The following USP22 variants were observed in gnomAD, a reference collection of about 807,000 sequenced individuals.
USP22 encodes ubiquitin specific peptidase 22.
Under a neutral mutation model 68.1 loss-of-function variants are expected in USP22, and 22 were observed. The observed-to-expected ratio is 0.32, with a 90% confidence interval of 0.23 to 0.46. The LOEUF is 0.46. Among genes scored for constraint, USP22 ranks in the 20% least tolerant of loss-of-function variants. The pLI, the probability that USP22 is intolerant of heterozygous loss-of-function variation, is 1.00. For synonymous variants in USP22, 279 were observed against 274.2 expected, an observed-to-expected ratio of 1.02 and a Z score of -0.17; for missense variants, 433 against 695.8, an observed-to-expected ratio of 0.62 and a Z score of 4.25.
rs1427603813 is a variant in USP22 at position 21,001,952 on chromosome 17, C to G, written c.*1079G>C. On this transcript the variant is annotated 3_prime_UTR_variant, in exon 13 of 13. Transcript: ENST00000261497. ...GCCCGAAAGTACACCAAATGTAAAG[C>G]AGAGGCAGACGAGACAAGATGCAGG... 3 of 152,234 alleles carry G rather than the reference C, an allele frequency of 2.0e-5. No individual in the cohort carries two copies. Among genetic ancestry groups the G allele is most frequent in the Admixed American group, 1.3e-4 (2 of 15,280 alleles). 9.4% of individuals were successfully genotyped at this position (152,234 alleles called of 1,614,324 possible).
intron 2 of USP22, among the ~76,000 whole-genome samples, chr17:21,022,587 C>T (rs1972169971): frequency 6.6e-6 from 1 of 152,092 alleles, no homozygotes; most frequent in African/African-American, 2.4e-5. Flanking sequence ...ATCACGAGGT[C>T]AGGAGATTGA....
intron 8 of USP22, 69 bp from the exon 9 acceptor site, chr17:21,008,065 G>T: frequency 3.3e-6 from 5 of 1,521,790 alleles, no homozygotes; most frequent in South Asian, 2.5e-5. Context: ...GAGGAAAGAG[G>T]TATTTTATCT....
In USP22 at chr17:21,004,105, G is replaced by A. The variant is rs560690238; in HGVS notation, c.1535+97C>T. 21 of 1,492,552 alleles carry A rather than the reference G, an allele frequency of 1.4e-5. No homozygotes were observed. The African/African-American group carries it at 1.8e-4, about 13-fold the overall frequency. The allele number at this position is 1,492,552 out of a possible 1,614,324, so 92.5% of individuals were successfully genotyped here. On this transcript the variant is annotated intron_variant, in intron 12 of 12. Transcript: ENST00000261497. Reference sequence around the variant, plus strand: ...TCGGCAAATGAAGGTCAACACCTTCGAGTGGTTCTAGGCTCAGACATGGGC... The same window carrying A: ...TCGGCAAATGAAGGTCAACACCTTCAAGTGGTTCTAGGCTCAGACATGGGC...
At chr17:21,017,876 A>G in intron 5 of USP22, 66 bp downstream of exon 5, 1 of 1,459,040 alleles carries the variant, frequency 6.9e-7, no homozygotes, top group Admixed American at 1.9e-5. Flanking sequence ...TCCACCTTAA[A>G]TTTTTTTTTT....
intron 1 of USP22, among the ~76,000 whole-genome samples, chr17:21,033,327 A>T (rs1972315573): frequency 6.6e-6 from 1 of 152,246 alleles, no homozygotes; most frequent in Non-Finnish European, 1.5e-5. Context: ...TGTGACAGGA[A>T]TTAGAAGAGG....
chr17:21,020,110 A>G (rs1487374259), intron 3 of USP22, among the ~76,000 whole-genome samples: 1 of 152,170 alleles, frequency 6.6e-6, no homozygotes, highest in Non-Finnish European at 1.5e-5. Flanking sequence ...TCAGGTTCAT[A>G]TGTTTCCTTT....
Position 21,000,717 on chromosome 17 carries a change from G to A in USP22, c.*2314C>T, listed in dbSNP as rs1913538676. The A allele has an allele frequency of 6.6e-6, 1 of 152,212 alleles. No individual in the cohort carries two copies. The highest frequency in any genetic ancestry group is 2.1e-4 in the South Asian group (1 of 4,832). The allele number at this position is 152,212 out of a possible 1,614,324, so 9.4% of individuals were successfully genotyped here. ...AAGGCACTGCCCAGCTCACAATCCT[G>A]TGGGCCAACTTCAGTCAACTCTCCT... On this transcript the variant is annotated 3_prime_UTR_variant, in exon 13 of 13. Transcript: ENST00000261497.
At chr17:21,016,827 A>C (rs547372641) in intron 5 of USP22, among the ~76,000 whole-genome samples, 1 of 152,306 alleles carries the variant, frequency 6.6e-6, no homozygotes, top group East Asian at 1.9e-4. Flanking sequence ...ACAGTTCTTC[A>C]TCTTGAGTAG....
chr17:21,042,866 C>A lies in USP22; in HGVS notation c.-31G>T, dbSNP rs966371524. 1.6e-6 allele frequency: 2 copies of A among 1,234,886 alleles called. No homozygotes were observed. The highest frequency in any genetic ancestry group is 3.3e-5 in the East Asian group (1 of 30,754). The allele number at this position is 1,234,886 out of a possible 1,614,324, so 76.5% of individuals were successfully genotyped here. A position where few individuals can be genotyped will look rare whatever the true frequency, so the allele number is the denominator to read the frequency against. On this transcript the variant is annotated 5_prime_UTR_variant, in exon 1 of 13. Coordinates refer to ENST00000261497, the MANE Select transcript of USP22 (RefSeq NM_015276.2). Reference sequence around the variant, plus strand: ...GCAAGGCCCGGCCGCGCGCGGGGGGCGGCGGCGAGGGAGGCGAGGACGACG... The same window carrying A: ...GCAAGGCCCGGCCGCGCGCGGGGGGAGGCGGCGAGGGAGGCGAGGACGACG...
intron 1 of USP22, among the ~76,000 whole-genome samples, chr17:21,036,354 G>A (rs548272551): frequency 1.3e-5 from 2 of 152,214 alleles, no homozygotes; most frequent in East Asian, 3.9e-4. Context: ...AATAACTGAT[G>A]AGGCCCTATG....
chr17:21,041,288 A>G (rs1567595443), intron 1 of USP22, among the ~76,000 whole-genome samples: 1 of 152,156 alleles, frequency 6.6e-6, no homozygotes, highest in African/African-American at 2.4e-5. Context: ...ACGCTACCTG[A>G]TACCATTACA....
At chr17:21,014,021 C>T (rs1203953667) in intron 6 of USP22, among the ~76,000 whole-genome samples, 2 of 152,216 alleles carry the variant, frequency 1.3e-5, no homozygotes, top group Non-Finnish European at 2.9e-5. Flanking sequence ...TTGCAGTGAG[C>T]TGAGATCGCA....
intron 8 of USP22, among the ~76,000 whole-genome samples, chr17:21,010,107 T>A (rs1002996910): frequency 6.6e-6 from 1 of 151,868 alleles, no homozygotes; most frequent in Non-Finnish European, 1.5e-5. Flanking sequence ...GAGGTTGCAG[T>A]GAGCTATGAT....
intron 2 of USP22, among the ~76,000 whole-genome samples, chr17:21,026,717 C>T (rs560007260): frequency 6.6e-6 from 1 of 151,976 alleles, no homozygotes; most frequent in South Asian, 2.1e-4. Flanking sequence ...ATAATCCCAG[C>T]ACTTTGGGAG....
chr17:21,035,617 T>G (rs1184237190), intron 1 of USP22, among the ~76,000 whole-genome samples: 1 of 152,080 alleles, frequency 6.6e-6, no homozygotes, highest in Admixed American at 6.6e-5. Flanking sequence ...GCCCAAGTTT[T>G]TCAACAGATA....
intron 2 of USP22, among the ~76,000 whole-genome samples, chr17:21,026,336 T>C (rs1036479869): frequency 5.9e-5 from 9 of 152,164 alleles, no homozygotes; most frequent in Non-Finnish European, 1.3e-4. Flanking sequence ...ACTTCTTTTT[T>C]ACTTTATTTT....
chr17:21,042,870 G>A lies in USP22; in HGVS notation c.-35C>T, dbSNP rs1383865225. On this transcript the variant is annotated 5_prime_UTR_variant, in exon 1 of 13. Coordinates refer to ENST00000261497, the MANE Select transcript of USP22 (RefSeq NM_015276.2). ...GGCCCGGCCGCGCGCGGGGGGCGGC[G>A]GCGAGGGAGGCGAGGACGACGCCAG... 5 of 1,221,062 alleles carry A rather than the reference G, an allele frequency of 4.1e-6. No individual in the cohort carries two copies. The East Asian group carries it at 1.3e-4, about 32-fold the overall frequency. The allele number at this position is 1,221,062 out of a possible 1,614,324, so 75.6% of individuals were successfully genotyped here.
Position 21,002,874 on chromosome 17 carries a change from T to G in USP22, c.*157A>C. On this transcript the variant is annotated 3_prime_UTR_variant, in exon 13 of 13. Coordinates refer to ENST00000261497, the MANE Select transcript of USP22 (RefSeq NM_015276.2). Reference sequence around the variant, plus strand: ...GTCCGTGTGGTCCATCCCGACCCGATGGGTCCCAGGTGCAGAGGGGCCACA... The same window carrying G: ...GTCCGTGTGGTCCATCCCGACCCGAGGGGTCCCAGGTGCAGAGGGGCCACA... 2.4e-6 allele frequency: 2 copies of G among 848,520 alleles called. No homozygotes were observed. The highest frequency in any genetic ancestry group is 3.8e-6 in the Non-Finnish European group (2 of 524,052). 52.6% of individuals were successfully genotyped at this position (848,520 alleles called of 1,614,324 possible).
In USP22 at chr17:21,019,085, T is replaced by G; in HGVS notation, c.519A>C (p.Ile173=). Residue 173 remains isoleucine (I), a splice_region_variant and synonymous_variant, in exon 4 of 13, where the codon ATA becomes ATC. Coordinates refer to ENST00000261497, the MANE Select transcript of USP22 (RefSeq NM_015276.2). ...AGAGTGACGACACGCTCCACCCACC[T>G]ATGGTGCAGTTCGAGGTGATCTTTC... ...KRRKITSNCT[I]GLRGLINLGN... The G allele has an allele frequency of 3.1e-6, 5 of 1,614,066 alleles. No individual in the cohort carries two copies. The highest frequency in any genetic ancestry group is 1.6e-4 in the Middle Eastern group (1 of 6,062).
Sources: gnomAD v4.1 joint callset for allele counts (sites outside exome capture counted in the v4.1 genomes callset) on GRCh38, gnomAD v4.1.1 for gene constraint, MANE v1.5 for transcripts, NCBI Gene and HGNC (gene_info 2026-07-23, HGNC 2026-07-21) for gene names.